Variants in SLF1 observed in about 807,000 individuals in gnomAD.
The protein encoded by SLF1 is SMC5-SMC6 complex localization factor protein 1.
Under a neutral mutation model 123.0 loss-of-function variants are expected in SLF1, and 105 were observed. The observed-to-expected ratio is 0.85, with a 90% confidence interval of 0.73 to 1.00. The LOEUF is 1.00. Ranked by LOEUF, SLF1 falls within the 50% of genes least tolerant of loss-of-function variation. The pLI is 0.00. For synonymous variants in SLF1, 434 were observed against 406.6 expected (o/e 1.07, Z -0.81); for missense variants, 1,239 against 1,223.0 (o/e 1.01, Z -0.20).
At chr5:94,663,230 G>T (rs188357796) in intron 10 of SLF1, among the ~76,000 whole-genome samples, 3 of 152,308 alleles carry the variant, frequency 2.0e-5, no homozygotes, top group Admixed American at 2.0e-4. Context: ...GAAGGCAACA[G>T]AAAATAATTA....
intron 1 of SLF1, among the ~76,000 whole-genome samples, chr5:94,628,115 G>C (rs1447731102): frequency 2.0e-5 from 3 of 151,864 alleles, no homozygotes; most frequent in Non-Finnish European, 4.4e-5. Context: ...ACAGGCGTGA[G>C]CCACCGCTCC....
intron 4 of SLF1, among the ~76,000 whole-genome samples, chr5:94,640,198 A>T (rs1746288524): frequency 6.6e-6 from 1 of 152,108 alleles, no homozygotes; most frequent in Non-Finnish European, 1.5e-5. Context: ...GCTGGTAATG[A>T]TTTATCTCAT....
At chr5:94,633,955 T>C (rs1404065722) in intron 4 of SLF1, among the ~76,000 whole-genome samples, 3 of 152,192 alleles carry the variant, frequency 2.0e-5, no homozygotes, top group Non-Finnish European at 4.4e-5. Context: ...TTTCTGTTTT[T>C]CTATTAGTTG....
In SLF1 at chr5:94,636,487, C is replaced by T. The variant is rs77307879; in HGVS notation, c.431+5744C>T. On this transcript the variant is annotated intron_variant, in intron 4 of 20. Coordinates refer to ENST00000265140, the MANE Select transcript of SLF1 (RefSeq NM_032290.4). ...GCTTCGCTGACTGGAAAATTTCAAA[C>T]GTACTGTCTTTGAACTCACTGATTC... Among the ~76,000 whole-genome samples, 410 of 152,150 alleles carry T rather than the reference C, an allele frequency of 2.7e-3. 2 individuals are homozygous for T. Among genetic ancestry groups the T allele is most frequent in the Non-Finnish European group, 4.7e-3 (317 of 68,006 alleles).
chr5:94,695,003 C>G lies in SLF1; in HGVS notation c.2868C>G (p.Ser956=), dbSNP rs753710759. Reference sequence around the variant, plus strand: ...ATTACCAGCAACTTGAATTTGGCTCCTTTTTACTTAGTAGGATGTTGCTAA... The same window carrying G: ...ATTACCAGCAACTTGAATTTGGCTCGTTTTTACTTAGTAGGATGTTGCTAA... ...HFHYQQLEFG[S]FLLSRMLLNF... The change falls in exon 21 of 21, where the codon TCC becomes TCG. Residue 956 remains serine, a synonymous_variant. Transcript: ENST00000265140. 4 of 1,612,428 alleles carry G rather than the reference C, an allele frequency of 2.5e-6. No individual in the cohort carries two copies. The highest frequency in any genetic ancestry group is 2.7e-5 in the African/African-American group (2 of 74,896).
At chr5:94,642,333 A>C (rs1294165274) in intron 4 of SLF1, among the ~76,000 whole-genome samples, 1 of 152,214 alleles carries the variant, frequency 6.6e-6, no homozygotes, top group Non-Finnish European at 1.5e-5. Context: ...GGCAAAGAGC[A>C]TGCTAGCGAG....
intron 9 of SLF1, among the ~76,000 whole-genome samples, chr5:94,661,559 G>A (rs1013089620): frequency 6.0e-5 from 9 of 148,904 alleles, no homozygotes; most frequent in Non-Finnish European, 1.2e-4. Context: ...TTTTGAGACC[G>A]GGTCTAGCTC....
chr5:94,690,251 C>G, intron 18 of SLF1, among the ~76,000 whole-genome samples: 1 of 152,018 alleles, frequency 6.6e-6, no homozygotes, highest in Non-Finnish European at 1.5e-5. Flanking sequence ...ATTGCTGAGT[C>G]TTTTTTGTTG....
intron 9 of SLF1, among the ~76,000 whole-genome samples, chr5:94,655,453 A>G (rs773034777): frequency 1.3e-5 from 2 of 152,080 alleles, no homozygotes; most frequent in Non-Finnish European, 2.9e-5. Flanking sequence ...AGTTGTTTAC[A>G]AATTTTAGGA....
intron 3 of SLF1, chr5:94,629,867 G>A (rs1014487153): frequency 3.3e-5 from 5 of 152,282 alleles, no homozygotes; most frequent in South Asian, 2.1e-4. Flanking sequence ...ACTGTTGGTC[G>A]GGTGTGGAGG....
chr5:94,653,100 G>T (rs556966770), intron 7 of SLF1, among the ~76,000 whole-genome samples, 172 bp from the exon 8 acceptor site: 1 of 152,054 alleles, frequency 6.6e-6, no homozygotes, highest in Non-Finnish European at 1.5e-5. Flanking sequence ...CAGGTGATCC[G>T]CCCGCCTTGG....
intron 5 of SLF1, among the ~76,000 whole-genome samples, chr5:94,649,047 C>A (rs563535959): frequency 3.9e-5 from 6 of 152,096 alleles, no homozygotes; most frequent in African/African-American, 1.4e-4. Context: ...GTGGGGTATA[C>A]TTGCAAGTGA....
chr5:94,664,094 T>C (rs1160757224), intron 11 of SLF1, among the ~76,000 whole-genome samples, 186 bp downstream of exon 11: 1 of 152,192 alleles, frequency 6.6e-6, no homozygotes, highest in Non-Finnish European at 1.5e-5. Context: ...GTACTACTCT[T>C]AGTGCTTTAG....
chr5:94,676,006 C>T (rs926018539), intron 14 of SLF1, among the ~76,000 whole-genome samples: 7 of 148,528 alleles, frequency 4.7e-5, no homozygotes, highest in African/African-American at 1.7e-4. Flanking sequence ...TCCTTCTTTC[C>T]TGCCCAGAGT....
At chr5:94,641,017 T>A (rs1474948314) in intron 4 of SLF1, among the ~76,000 whole-genome samples, 2 of 152,190 alleles carry the variant, frequency 1.3e-5, no homozygotes, top group Non-Finnish European at 1.5e-5. Flanking sequence ...GTATTTTTTT[T>A]ATTGCATGCC....
intron 4 of SLF1, among the ~76,000 whole-genome samples, chr5:94,640,297 A>G (rs1003817687): frequency 6.6e-6 from 1 of 152,148 alleles, no homozygotes; most frequent in Non-Finnish European, 1.5e-5. Context: ...TTAATTCGTA[A>G]TTAAAGATTC....
rs1752469322 is a variant in SLF1, at chr5:94,686,736, C to A, written c.2121+18C>A. Reference sequence around the variant, plus strand: ...AGAAAATGGTAAGTACCTCTCTATTCTGGTTCTTTACATTTTCAAGAAGTG... The same window carrying A: ...AGAAAATGGTAAGTACCTCTCTATTATGGTTCTTTACATTTTCAAGAAGTG... On this transcript the variant is annotated intron_variant, in intron 16 of 20. Transcript: ENST00000265140. 1 of 1,591,900 alleles carries A rather than the reference C, an allele frequency of 6.3e-7. No individual in the cohort carries two copies. The highest frequency in any genetic ancestry group is 1.8e-5 in the Admixed American group (1 of 54,624).
chr5:94,638,846 T>G (rs975210473), intron 4 of SLF1, among the ~76,000 whole-genome samples: 2 of 152,214 alleles, frequency 1.3e-5, no homozygotes, highest in African/African-American at 4.8e-5. Flanking sequence ...CATCAGCATG[T>G]ACATCATTTT....
intron 1 of SLF1, among the ~76,000 whole-genome samples, chr5:94,623,404 C>A (rs1379960551): frequency 6.6e-6 from 1 of 151,812 alleles, no homozygotes; most frequent in Non-Finnish European, 1.5e-5. Context: ...TTCTCATAAC[C>A]AAGAATGTCA....
Sources: allele counts gnomAD v4.1 joint callset (sites outside exome capture counted in the v4.1 genomes callset), GRCh38; gene constraint gnomAD v4.1.1; transcripts MANE v1.5; gene names NCBI Gene and HGNC (gene_info 2026-07-23, HGNC 2026-07-21).